The following ZNF804B variants were observed in gnomAD, a reference collection of about 807,000 sequenced individuals.
ZNF804B encodes zinc finger 804B.
Under a neutral mutation model 101.4 loss-of-function variants are expected in ZNF804B, and 80 were observed. The observed-to-expected ratio is 0.79, with a 90% CI of 0.66 to 0.95. The LOEUF (loss-of-function observed/expected upper bound fraction) is 0.95, where lower values mean the gene tolerates loss of function less well. Ranked by LOEUF, ZNF804B falls within the 40% of genes least tolerant of loss-of-function variation. The probability of loss-of-function intolerance (pLI) is 0.00; values close to 1 mark genes in which losing one functional copy is unlikely to be tolerated. For synonymous variants in ZNF804B, 622 were observed against 558.8 expected (o/e 1.11, Z -1.59); for missense variants, 1,673 against 1,561.9 (o/e 1.07, Z -1.20).
chr7:89,292,312 A>C (rs926017798), intron 2 of ZNF804B, among the ~76,000 whole-genome samples: 1 of 152,174 alleles, frequency 6.6e-6, no homozygotes, highest in Admixed American at 6.5e-5. Flanking sequence ...AAAGACAAAA[A>C]GTTGAATGAA....
chr7:89,333,600 A>T lies in ZNF804B; in HGVS notation c.618A>T (p.Thr206=). 1 of 1,613,668 alleles carries T rather than the reference A, an allele frequency of 6.2e-7. No homozygotes were observed. The highest frequency in any genetic ancestry group is 8.5e-7 in the Non-Finnish European group (1 of 1,179,734). Residue 206 remains threonine (T), a synonymous_variant, in exon 4 of 4, where the codon ACA becomes ACT. Coordinates refer to ENST00000333190, the MANE Select transcript of ZNF804B (RefSeq NM_181646.5). The part of the protein sequence containing the change: ...RCLFGNQVLQ[T]SSDLSNANHR... ...TGTTTGGAAATCAGGTACTGCAAAC[A>T]TCTTCAGATCTCAGCAATGCAAATC...
chr7:88,783,109 G>T (rs572725195), intron 1 of ZNF804B, among the ~76,000 whole-genome samples: 10 of 152,092 alleles, frequency 6.6e-5, no homozygotes, highest in Admixed American at 2.6e-4. Context: ...AAATCATCCT[G>T]GTTAAAAATA....
intron 1 of ZNF804B, among the ~76,000 whole-genome samples, chr7:88,972,866 C>T (rs994621295): frequency 1.3e-5 from 2 of 151,304 alleles, no homozygotes; most frequent in Admixed American, 6.6e-5. Context: ...TACAGGAGTA[C>T]ATATAGCGTT....
chr7:89,036,660 C>T (rs889119905), intron 1 of ZNF804B, among the ~76,000 whole-genome samples: 7 of 152,036 alleles, frequency 4.6e-5, no homozygotes, highest in African/African-American at 1.7e-4. Context: ...AAGAGTTTTT[C>T]ATGACAAAGT....
intron 1 of ZNF804B, among the ~76,000 whole-genome samples, chr7:88,826,043 A>G (rs1466478831): frequency 6.6e-6 from 1 of 152,198 alleles, no homozygotes; most frequent in African/African-American, 2.4e-5. Flanking sequence ...CTGATAACAC[A>G]GGTGATTCAA....
chr7:89,046,020 A>T (rs1465476691), intron 1 of ZNF804B, among the ~76,000 whole-genome samples: 3 of 151,956 alleles, frequency 2.0e-5, no homozygotes, highest in Non-Finnish European at 4.4e-5. Flanking sequence ...CATGGGATGG[A>T]CCCCATGGGA....
At chr7:88,975,955 T>C (rs1431429234) in intron 1 of ZNF804B, among the ~76,000 whole-genome samples, 1 of 151,522 alleles carries the variant, frequency 6.6e-6, no homozygotes, top group African/African-American at 2.4e-5. Context: ...TTTTTGTATA[T>C]GGTGAGAGAT....
At chr7:89,192,745 C>T (rs1353911051) in intron 1 of ZNF804B, among the ~76,000 whole-genome samples, 2 of 151,882 alleles carry the variant, frequency 1.3e-5, no homozygotes, top group Admixed American at 6.6e-5. Flanking sequence ...TCAATGCAAA[C>T]ATCCTCAACA....
At chr7:89,234,950 T>A (rs1044673371) in intron 2 of ZNF804B, among the ~76,000 whole-genome samples, 13 of 152,308 alleles carry the variant, frequency 8.5e-5, no homozygotes, top group African/African-American at 3.1e-4. Context: ...ATTTCCCTAA[T>A]AAACCCTCTC....
intron 2 of ZNF804B, among the ~76,000 whole-genome samples, chr7:89,320,416 T>C (rs1790801911): frequency 6.6e-6 from 1 of 152,022 alleles, no homozygotes; most frequent in Admixed American, 6.6e-5. Flanking sequence ...GCTGACTAGA[T>C]ATAGGAGAGG....
At chr7:88,805,373 T>A (rs537159250) in intron 1 of ZNF804B, among the ~76,000 whole-genome samples, 2 of 152,208 alleles carry the variant, frequency 1.3e-5, no homozygotes, top group Non-Finnish European at 2.9e-5. Flanking sequence ...ATAAAATATT[T>A]TTAAATATTA....
At chr7:89,268,000 A>G (rs1584093194) in intron 2 of ZNF804B, among the ~76,000 whole-genome samples, 2 of 151,968 alleles carry the variant, frequency 1.3e-5, no homozygotes, top group South Asian at 4.1e-4. Context: ...TCTGGAAATA[A>G]TCTCTCTTTG....
At chr7:88,773,764 G>A (rs983593142) in intron 1 of ZNF804B, among the ~76,000 whole-genome samples, 1 of 152,022 alleles carries the variant, frequency 6.6e-6, no homozygotes, top group Non-Finnish European at 1.5e-5. Flanking sequence ...AGGTAAAGTG[G>A]GAGCCTGCAT....
intron 1 of ZNF804B, among the ~76,000 whole-genome samples, chr7:89,156,104 T>TCTTTCTCC: frequency 6.9e-6 from 1 of 145,906 alleles, no homozygotes; most frequent in Non-Finnish European, 1.5e-5. Context: ...TTTCTTTCTC[T>TCTTTCTCC]CTTTCTCTCT....
chr7:88,848,044 A>G (rs1562810684), intron 1 of ZNF804B, among the ~76,000 whole-genome samples: 1 of 152,176 alleles, frequency 6.6e-6, no homozygotes, highest in Admixed American at 6.5e-5. Flanking sequence ...TTTTGCCCCC[A>G]CAGGGAAATT....
At chr7:89,133,249 T>C (rs1051142931) in intron 1 of ZNF804B, among the ~76,000 whole-genome samples, 2 of 152,028 alleles carry the variant, frequency 1.3e-5, no homozygotes, top group Non-Finnish European at 2.9e-5. Context: ...GGATGCTAGA[T>C]TGGTTCACCA....
intron 2 of ZNF804B, among the ~76,000 whole-genome samples, chr7:89,245,694 A>G (rs1789432218): frequency 6.6e-6 from 1 of 152,162 alleles, no homozygotes; most frequent in African/African-American, 2.4e-5. Context: ...GGAACAGTGC[A>G]TAAATATTAA....
chr7:89,166,333 A>G (rs1791143365), intron 1 of ZNF804B, among the ~76,000 whole-genome samples: 1 of 152,198 alleles, frequency 6.6e-6, no homozygotes, highest in African/African-American at 2.4e-5. Flanking sequence ...CGTAACTACT[A>G]ATAACCTGCT....
chr7:88,768,567 A>C (rs2115624955), intron 1 of ZNF804B, among the ~76,000 whole-genome samples: 1 of 152,220 alleles, frequency 6.6e-6, no homozygotes, highest in African/African-American at 2.4e-5. Flanking sequence ...AAATACAAAA[A>C]GTTAGCTCGG....
Sources: gnomAD v4.1 joint callset for allele counts (sites outside exome capture counted in the v4.1 genomes callset) on GRCh38, gnomAD v4.1.1 for gene constraint, MANE v1.5 for transcripts, NCBI Gene and HGNC (gene_info 2026-07-23, HGNC 2026-07-21) for gene names.